The following KLHL32 variants were observed in gnomAD, a reference collection of about 807,000 sequenced individuals.
The protein encoded by KLHL32 is kelch like family member 32, also known as kelch-like protein 32.
A neutral mutation model predicts 64.8 loss-of-function variants in KLHL32; 35 were observed. The ratio of observed to expected loss-of-function variants is 0.54; its 90% CI spans 0.41 to 0.72. KLHL32 has a LOEUF of 0.72. Among genes scored for constraint, KLHL32 ranks in the 30% least tolerant of loss-of-function variants. The probability of loss-of-function intolerance (pLI) is 0.00; values close to 1 mark genes in which losing one functional copy is unlikely to be tolerated. For synonymous variants in KLHL32, 259 were observed against 281.0 expected (o/e 0.92, Z 0.78); for missense variants, 589 against 768.5 (o/e 0.77, Z 2.76).
intron 3 of KLHL32, among the ~76,000 whole-genome samples, chr6:97,027,980 A>G (rs1346716363): frequency 1.3e-5 from 2 of 152,226 alleles, no homozygotes; most frequent in Non-Finnish European, 2.9e-5. Context: ...CAAGAGGGTG[A>G]TTGGAAGTCA....
At chr6:97,000,259 T>C (rs965228368) in intron 3 of KLHL32, among the ~76,000 whole-genome samples, 15 of 152,176 alleles carry the variant, frequency 9.9e-5, no homozygotes, top group Non-Finnish European at 1.5e-4. Context: ...TATAAAACTA[T>C]TAATTGATGC....
intron 3 of KLHL32, among the ~76,000 whole-genome samples, chr6:96,994,963 A>G (rs1778259386): frequency 6.6e-6 from 1 of 152,186 alleles, no homozygotes; most frequent in African/African-American, 2.4e-5. Context: ...TTCCCACACT[A>G]CCTGGCAAAT....
chr6:96,973,805 C>G (rs897142050), intron 2 of KLHL32, among the ~76,000 whole-genome samples: 5 of 145,428 alleles, frequency 3.4e-5, no homozygotes, highest in Non-Finnish European at 7.4e-5. Flanking sequence ...TTACTGCAAC[C>G]TCCACCTACT....
At chr6:96,942,683 G>GTGTGTGTGTGAGAT (rs1771451870) in intron 1 of KLHL32, among the ~76,000 whole-genome samples, 1 of 151,310 alleles carries the variant, frequency 6.6e-6, no homozygotes, top group African/African-American at 2.4e-5. Flanking sequence ...GTGTGTGTGT[G>GTGTGTGTGTGAGAT]TGTGTGTGAT....
chr6:97,061,056 TCTC>T (rs2128148774), intron 4 of KLHL32, among the ~76,000 whole-genome samples: 1 of 152,240 alleles, frequency 6.6e-6, no homozygotes, highest in Non-Finnish European at 1.5e-5. Context: ...AGAGGTGACC[TCTC>T]TGCTAGCACT....
At chr6:96,940,329 T>C (rs1454959967) in intron 1 of KLHL32, among the ~76,000 whole-genome samples, 3 of 151,996 alleles carry the variant, frequency 2.0e-5, no homozygotes, top group Admixed American at 6.6e-5. Context: ...CTCTTAATGA[T>C]TAGGTAGAGA....
Position 97,127,031 on chromosome 6 carries a change from A to G in KLHL32, c.1355-373A>G, listed in dbSNP as rs143437172. Among the ~76,000 whole-genome samples, 29 of 152,332 alleles carry G rather than the reference A, an allele frequency of 1.9e-4. No homozygotes were observed. The East Asian group carries it at 5.4e-3, about 28-fold the overall frequency. On this transcript the variant is annotated intron_variant, in intron 7 of 10. Coordinates refer to ENST00000369261, the MANE Select transcript of KLHL32 (RefSeq NM_052904.4). ...TTTAAAATTGACAATTTAGTGAAGGACAAGAATTTTCCATATAACTATGTC... is the reference window on the plus strand; with the variant it reads ...TTTAAAATTGACAATTTAGTGAAGGGCAAGAATTTTCCATATAACTATGTC...
At chr6:97,026,553 T>C (rs1454394335) in intron 3 of KLHL32, among the ~76,000 whole-genome samples, 3 of 152,114 alleles carry the variant, frequency 2.0e-5, no homozygotes, top group African/African-American at 7.2e-5. Flanking sequence ...ATAAAGGAGA[T>C]GGTCTCCAGT....
At chr6:97,133,371 A>G (rs1799645776) in intron 10 of KLHL32, among the ~76,000 whole-genome samples, 1 of 152,188 alleles carries the variant, frequency 6.6e-6, no homozygotes, top group South Asian at 2.1e-4. Context: ...TACAGTTATT[A>G]CCATAGTTTT....
intron 1 of KLHL32, among the ~76,000 whole-genome samples, chr6:96,960,790 G>T (rs910183814): frequency 2.0e-5 from 3 of 152,206 alleles, no homozygotes; most frequent in Non-Finnish European, 2.9e-5. Context: ...GTCCAGAAGG[G>T]TATGACAGCT....
intron 6 of KLHL32, among the ~76,000 whole-genome samples, chr6:97,096,074 T>TA (rs1794945929): frequency 6.6e-6 from 1 of 152,178 alleles, no homozygotes; most frequent in Non-Finnish European, 1.5e-5. Flanking sequence ...TCAAGACTGT[T>TA]ATTTTATAGG....
chr6:96,979,212 G>T (rs113237676), intron 3 of KLHL32, among the ~76,000 whole-genome samples: 1,681 of 152,216 alleles, frequency 0.011, 38 homozygotes, highest in African/African-American at 0.039. Context: ...TGACATATTT[G>T]TCAGGACCTA....
chr6:96,913,568 G>A, the KLHL32 span, among the ~76,000 whole-genome samples: 2 of 152,168 alleles, frequency 1.3e-5, no homozygotes, highest in Non-Finnish European at 2.9e-5. Flanking sequence ...CTTTTTGCAA[G>A]CGGTGCAAGC....
At position 96,967,712 on chromosome 6, in the gene KLHL32, G is replaced by A. The variant is rs186177556; in HGVS notation, c.23+629G>A. On this transcript the variant is annotated intron_variant, in intron 2 of 10. Transcript: ENST00000369261. ...CCTCTTAAAATGTATATTCTATGGCGAAAACAGACATTAAACAAATAAGCA... is the reference window on the plus strand; with the variant it reads ...CCTCTTAAAATGTATATTCTATGGCAAAAACAGACATTAAACAAATAAGCA... Among the ~76,000 whole-genome samples the A allele has an allele frequency of 7.5e-3, 1,140 of 152,176 alleles. 9 individuals carry two copies. Among genetic ancestry groups the A allele is most frequent in the Non-Finnish European group, 0.012 (843 of 67,994 alleles).
At chr6:96,904,923 C>T in the KLHL32 span, among the ~76,000 whole-genome samples, 1 of 152,206 alleles carries the variant, frequency 6.6e-6, no homozygotes, top group African/African-American at 2.4e-5. Context: ...CCCTTGCTCT[C>T]CATTCCCATT....
chr6:96,962,602 C>G (rs986155707), intron 1 of KLHL32, among the ~76,000 whole-genome samples: 10 of 152,146 alleles, frequency 6.6e-5, no homozygotes, highest in African/African-American at 2.4e-4. Flanking sequence ...AGAAAAAATT[C>G]ACAGAGATAC....
chr6:97,097,700 T>C (rs1479069116), intron 6 of KLHL32, among the ~76,000 whole-genome samples: 1 of 152,196 alleles, frequency 6.6e-6, no homozygotes, highest in East Asian at 1.9e-4. Context: ...TTTGCTTTCA[T>C]TTTCACTTAA....
At chr6:96,978,603 A>G (rs891125515) in intron 3 of KLHL32, among the ~76,000 whole-genome samples, 1 of 152,226 alleles carries the variant, frequency 6.6e-6, no homozygotes, top group Non-Finnish European at 1.5e-5. Flanking sequence ...TACAGTGAAC[A>G]TACACATGCA....
chr6:97,042,005 T>C (rs1785194046), intron 4 of KLHL32, among the ~76,000 whole-genome samples: 1 of 152,178 alleles, frequency 6.6e-6, no homozygotes, highest in African/African-American at 2.4e-5. Flanking sequence ...CTTGGTACCA[T>C]GTCCTCCACA....
Sources: allele counts gnomAD v4.1 joint callset (sites outside exome capture counted in the v4.1 genomes callset), GRCh38; gene constraint gnomAD v4.1.1; transcripts MANE v1.5; gene names NCBI Gene and HGNC (gene_info 2026-07-23, HGNC 2026-07-21).